Variants in OPCML observed in about 807,000 individuals in gnomAD.
The protein encoded by OPCML is opioid-binding protein/cell adhesion molecule.
Under a neutral mutation model 37.8 loss-of-function variants are expected in OPCML, and 13 were observed. That is an observed-to-expected ratio of 0.34 (90% confidence interval 0.22 to 0.55). The LOEUF is 0.55. OPCML is among the 20% of genes least tolerant of loss of function. The pLI, the probability that OPCML is intolerant of heterozygous loss-of-function variation, is 0.91. For synonymous variants in OPCML, 176 were observed against 168.8 expected, an observed-to-expected ratio of 1.04 and a Z score of -0.33; for missense variants, 341 against 435.6, an observed-to-expected ratio of 0.78 and a Z score of 1.93.
At chr11:133,021,646 A>G (rs1381925065) in intron 1 of OPCML, among the ~76,000 whole-genome samples, 1 of 18,022 alleles carries the variant, frequency 5.5e-5, no homozygotes. Context: ...AAAAGTGGCA[A>G]TAAGGGGATG....
At chr11:133,313,196 C>G (rs140173346) in intron 1 of OPCML, among the ~76,000 whole-genome samples, 2 of 152,072 alleles carry the variant, frequency 1.3e-5, no homozygotes, top group Admixed American at 1.3e-4. Context: ...GTAATATTCC[C>G]GGTGATCAGA....
At chr11:133,338,348 T>C (rs540642664) in intron 1 of OPCML, among the ~76,000 whole-genome samples, 3 of 152,238 alleles carry the variant, frequency 2.0e-5, no homozygotes, top group Admixed American at 2.0e-4. Context: ...AGGTGGGCGA[T>C]GCCATATTGA....
At chr11:133,137,131 G>T (rs1031028864) in intron 1 of OPCML, among the ~76,000 whole-genome samples, 1 of 152,144 alleles carries the variant, frequency 6.6e-6, no homozygotes, top group Non-Finnish European at 1.5e-5. Context: ...TTGTGGAAAG[G>T]TTCTGGGAAG....
At chr11:133,530,679 C>A (rs905749424) in intron 1 of OPCML, among the ~76,000 whole-genome samples, 1 of 152,230 alleles carries the variant, frequency 6.6e-6, no homozygotes, top group Non-Finnish European at 1.5e-5. Flanking sequence ...ACAACAGCAA[C>A]CCCCACTCTG....
intron 1 of OPCML, among the ~76,000 whole-genome samples, chr11:133,478,134 C>T (rs75827054): frequency 0.035 from 5,303 of 152,166 alleles, 126 homozygotes; most frequent in South Asian, 0.12. Flanking sequence ...GGCTAAGATG[C>T]GTCAGGGTGG....
rs897566421 is a variant in OPCML, at chr11:132,416,682, C to T, written c.*3511G>A. 2 of 152,190 alleles carry T rather than the reference C, an allele frequency of 1.3e-5. No individual in the cohort carries two copies. The highest frequency in any genetic ancestry group is 2.4e-5 in the African/African-American group (1 of 41,442). The allele number at this position is 152,190 out of a possible 1,614,324, so 9.4% of individuals were successfully genotyped here. On this transcript the variant is annotated 3_prime_UTR_variant, in exon 8 of 8. Transcript: ENST00000524381. Reference sequence around the variant, plus strand: ...TGTAAGAAGAAAGAGACTGGGGCCTCTTTGTGACACAACACCTTACCTTTT... The same window carrying T: ...TGTAAGAAGAAAGAGACTGGGGCCTTTTTGTGACACAACACCTTACCTTTT...
chr11:133,402,387 C>T (rs1294224340), intron 1 of OPCML, among the ~76,000 whole-genome samples: 1 of 152,080 alleles, frequency 6.6e-6, no homozygotes, highest in Admixed American at 6.6e-5. Flanking sequence ...GATTTAGTTT[C>T]CAAAACATAA....
At chr11:133,034,740 TG>T (rs1363076351) in intron 1 of OPCML, among the ~76,000 whole-genome samples, 1 of 148,480 alleles carries the variant, frequency 6.7e-6, no homozygotes, top group Admixed American at 6.8e-5. Context: ...TAAAGTCTGT[TG>T]TTTTTTTTCC....
intron 3 of OPCML, among the ~76,000 whole-genome samples, chr11:132,564,382 A>G (rs2096417552): frequency 6.6e-6 from 1 of 152,196 alleles, no homozygotes; most frequent in African/African-American, 2.4e-5. Flanking sequence ...ACATCACTCT[A>G]CAAGAGGGGC....
intron 1 of OPCML, among the ~76,000 whole-genome samples, chr11:133,427,062 A>G (rs888918241): frequency 2.6e-5 from 4 of 152,160 alleles, no homozygotes; most frequent in Admixed American, 6.5e-5. Flanking sequence ...ATCCTCAAAT[A>G]TAAGATAGGC....
chr11:133,382,350 T>C, intron 1 of OPCML, among the ~76,000 whole-genome samples: 1 of 152,206 alleles, frequency 6.6e-6, no homozygotes, highest in Non-Finnish European at 1.5e-5. Context: ...TGGAGGCATG[T>C]ATCCATGCAG....
intron 1 of OPCML, among the ~76,000 whole-genome samples, chr11:133,192,133 T>C (rs1461202311): frequency 6.6e-6 from 1 of 152,136 alleles, no homozygotes; most frequent in Non-Finnish European, 1.5e-5. Flanking sequence ...TGTGGGGCAT[T>C]GAATTGTAAG....
chr11:133,394,245 C>T (rs1004147687), intron 1 of OPCML, among the ~76,000 whole-genome samples: 16 of 152,084 alleles, frequency 1.1e-4, no homozygotes, highest in Admixed American at 5.2e-4. Context: ...CCCACATCAG[C>T]GTCTCTCATT....
At chr11:132,509,939 G>A (rs1371620496) in intron 4 of OPCML, among the ~76,000 whole-genome samples, 1 of 152,148 alleles carries the variant, frequency 6.6e-6, no homozygotes, top group Non-Finnish European at 1.5e-5. Flanking sequence ...TCTACCAACA[G>A]CTTGCACTGT....
At chr11:132,814,726 C>T (rs1259483851) in intron 2 of OPCML, among the ~76,000 whole-genome samples, 1 of 152,130 alleles carries the variant, frequency 6.6e-6, no homozygotes, top group Non-Finnish European at 1.5e-5. Context: ...AAAAAATTAA[C>T]CATCACACAT....
At chr11:133,167,809 C>T (rs1467143971) in intron 1 of OPCML, among the ~76,000 whole-genome samples, 1 of 152,010 alleles carries the variant, frequency 6.6e-6, no homozygotes, top group African/African-American at 2.4e-5. Context: ...CTTTCCAGTT[C>T]TCTCTATCTC....
intron 1 of OPCML, among the ~76,000 whole-genome samples, chr11:133,272,266 A>G (rs1420385401): frequency 1.3e-5 from 2 of 151,976 alleles, no homozygotes; most frequent in African/African-American, 4.8e-5. Context: ...AAAAAAAAAA[A>G]AAAGAAAACT....
chr11:133,465,674 T>C (rs1946961157), intron 1 of OPCML, among the ~76,000 whole-genome samples: 1 of 152,164 alleles, frequency 6.6e-6, no homozygotes, highest in Non-Finnish European at 1.5e-5. Context: ...ATTTGGGCTC[T>C]GGAATCAGAC....
chr11:133,193,510 G>T (rs182957858), intron 1 of OPCML, among the ~76,000 whole-genome samples: 19 of 152,308 alleles, frequency 1.2e-4, no homozygotes, highest in Non-Finnish European at 2.2e-4. Flanking sequence ...TGCCACAGGA[G>T]TTGAATGACC....
Sources: allele counts gnomAD v4.1 joint callset (sites outside exome capture counted in the v4.1 genomes callset), GRCh38; gene constraint gnomAD v4.1.1; transcripts MANE v1.5; gene names NCBI Gene and HGNC (gene_info 2026-07-23, HGNC 2026-07-21).